HEATR1: variants seen among roughly 807,000 people sequenced by gnomAD.
The protein encoded by HEATR1 is HEAT repeat containing 1, also known as HEAT repeat-containing protein 1.
Under a neutral mutation model 248.2 loss-of-function variants are expected in HEATR1, and 77 were observed. The ratio of observed to expected loss-of-function variants is 0.31; its 90% CI spans 0.26 to 0.37. The LOEUF is 0.37. Ranked by LOEUF, HEATR1 falls within the 10% of genes least tolerant of loss-of-function variation. HEATR1 has a pLI of 1.00. For synonymous variants in HEATR1, 897 were observed against 923.1 expected (o/e 0.97, Z 0.51); for missense variants, 2,420 against 2,504.9 (o/e 0.97, Z 0.72).
rs1274750485 is a variant in HEATR1 at position 236,558,632 on chromosome 1, C to T, written c.4912-103G>A. ...AGATTGTCTAAATGGAAATCAGACT[C>T]GGGGGTCCTGAGTCACACAGTCATG... On this transcript the variant is annotated intron_variant, in intron 35 of 44. Coordinates refer to ENST00000366582, the MANE Select transcript of HEATR1 (RefSeq NM_018072.6). The T allele has an allele frequency of 7.6e-6, 9 of 1,180,366 alleles. No homozygotes were observed. In the East Asian group the frequency reaches 1.2e-4, roughly 16 times the overall value. 73.1% of individuals were successfully genotyped at this position (1,180,366 alleles called of 1,614,324 possible).
chr1:236,564,129 A>C (rs999359630), intron 32 of HEATR1, among the ~76,000 whole-genome samples: 2 of 152,174 alleles, frequency 1.3e-5, no homozygotes, highest in Non-Finnish European at 2.9e-5. Flanking sequence ...AAAATAAAAT[A>C]AAATACAGGC....
At chr1:236,569,412 G>A (rs754075182) in intron 28 of HEATR1, among the ~76,000 whole-genome samples, 26 of 152,020 alleles carry the variant, frequency 1.7e-4, no homozygotes, top group Non-Finnish European at 3.1e-4. Flanking sequence ...TGAACTCCCA[G>A]GCTGGTCTTG....
chr1:236,552,162 C>T lies in HEATR1; in HGVS notation c.6238-55G>A, dbSNP rs532362089. The T allele has an allele frequency of 3.2e-5, 38 of 1,185,062 alleles. No homozygotes were observed. In the African/African-American group the frequency reaches 4.8e-4, roughly 15 times the overall value. The allele number at this position is 1,185,062 out of a possible 1,614,324, so 73.4% of individuals were successfully genotyped here. On this transcript the variant is annotated intron_variant, in intron 43 of 44. Transcript: ENST00000366582. ...AAAGTAGTGTTACTGTATTTATTATCTTAAGAGCTGTACTGACTTGAGACA... is the reference window on the plus strand; with the variant it reads ...AAAGTAGTGTTACTGTATTTATTATTTTAAGAGCTGTACTGACTTGAGACA...
chr1:236,582,877 A>G lies in HEATR1; in HGVS notation c.2426-5T>C, dbSNP rs748370873. The stretch of plus-strand genomic sequence containing the variant: ...CAGGATTCCACCATATATCACCTAC[A>G]AGGACATGGAAAGAGAAATGATGCT... On this transcript the variant is annotated splice_region_variant and splice_polypyrimidine_tract_variant and intron_variant, in intron 18 of 44. Coordinates refer to ENST00000366582, the MANE Select transcript of HEATR1 (RefSeq NM_018072.6). The G allele has an allele frequency of 3.1e-6, 5 of 1,613,572 alleles. No homozygotes were observed. In the Admixed American group the frequency reaches 8.3e-5, roughly 27 times the overall value.
At chr1:236,595,459 GA>G in intron 8 of HEATR1, 80 bp downstream of exon 8, 1 of 1,097,936 alleles carries the variant, frequency 9.1e-7, no homozygotes, top group South Asian at 2.0e-5. Flanking sequence ...TAAATATTTT[GA>G]AGCTGTTAAC....
Position 236,604,137 on chromosome 1 carries a change from C to A in HEATR1, c.-32-10G>T. 1 of 1,529,346 alleles carries A rather than the reference C, an allele frequency of 6.5e-7. No individual in the cohort carries two copies. Among genetic ancestry groups the A allele is most frequent in the Non-Finnish European group, 8.7e-7 (1 of 1,146,490 alleles). 94.7% of individuals were successfully genotyped at this position (1,529,346 alleles called of 1,614,324 possible). ...GTTTTAATGACACGGGCTAAAAAAA[C>A]GTAAGCACTTTGATAAGTTTCTACG... On this transcript the variant is annotated splice_polypyrimidine_tract_variant and intron_variant, in intron 1 of 44. Transcript: ENST00000366582.
In HEATR1 at chr1:236,559,765, G is replaced by A. The variant is rs377685769; in HGVS notation, c.4719C>T (p.Thr1573=). ...TAAGGAGCGCGCGCCAGAACTTCAC[G>A]GTGAGTTTGTCTGCGTTCCTTTCCA... ...QSMERNADKL[T]VKFWRALLSK... Residue 1573 remains threonine, a synonymous_variant, in exon 34 of 45, where the codon ACC becomes ACT. Coordinates refer to ENST00000366582, the MANE Select transcript of HEATR1 (RefSeq NM_018072.6). 32 of 1,613,896 alleles carry A rather than the reference G, an allele frequency of 2.0e-5. No homozygotes were observed. Among genetic ancestry groups the A allele is most frequent in the East Asian group, 4.5e-5 (2 of 44,888 alleles).
Position 236,571,381 on chromosome 1 carries a change from TA to T in HEATR1, c.3917del (p.Leu1306TyrfsTer32). The T allele has an allele frequency of 6.2e-7, 1 of 1,604,788 alleles. No homozygotes were observed. On this transcript the variant is annotated frameshift_variant, in exon 28 of 45. Coordinates refer to ENST00000366582, the MANE Select transcript of HEATR1 (RefSeq NM_018072.6). LOFTEE classifies it high-confidence loss of function. ...ATATTCCAGCAACAGTGCCCAAAAG[TA>T]AAAGGGCATGGTGATGGGTCTGCGG... Reference protein sequence around the residue: ...EMPQTHHHALLLLGTVAGIFP... With the variant: ...EMPQTHHHALXLLGTVAGIFP...
At chr1:236,552,761 A>G (rs1162343146) in intron 43 of HEATR1, 1 of 152,268 alleles carries the variant, frequency 6.6e-6, no homozygotes. Flanking sequence ...TTTTAATTAA[A>G]GAATATCTGG....
chr1:236,553,397 A>C (rs1351104804), intron 43 of HEATR1, among the ~76,000 whole-genome samples, 184 bp downstream of exon 43: 1 of 152,200 alleles, frequency 6.6e-6, no homozygotes, highest in Non-Finnish European at 1.5e-5. Context: ...TAAGTAAAAA[A>C]CAAAATTTTC....
rs1470129568 is a variant in HEATR1, at chr1:236,557,285, GACCTCGCTGGAGACC to G, written c.5250_5264del (p.Val1751_Val1755del). ...GAGCAGCCAAGGCACTGAGCAGGTA[GACCTCGCTGGAGACC>G]AGCTCGCTGGTGTTCTTCATTGTTG... On this transcript the variant is annotated inframe_deletion, in exon 37 of 45. Coordinates refer to ENST00000366582, the MANE Select transcript of HEATR1 (RefSeq NM_018072.6). The G allele has an allele frequency of 3.1e-6, 5 of 1,614,204 alleles. No individual in the cohort carries two copies. In the South Asian group the frequency reaches 5.5e-5, roughly 18 times the overall value.
rs1407754933 is a variant in HEATR1 at position 236,572,463 on chromosome 1, T to G, written c.3655A>C (p.Lys1219Gln). 2.5e-6 allele frequency: 4 copies of G among 1,614,016 alleles called. No individual in the cohort carries two copies. The highest frequency in any genetic ancestry group is 2.2e-5 in the East Asian group (1 of 44,882). The change falls in exon 26 of 45, where the codon AAG becomes CAG. Residue 1219 changes from lysine (K) to glutamine (Q), a missense_variant. Physicochemically the swap from Lys to Gln is moderately conservative, Grantham distance 53. Transcript: ENST00000366582. ...ACCAATATCTGAGGACTTCTGAGCT[T>G]CTTTTTGTGCTGCAGTAATTCCAGG... is the stretch of plus-strand genomic sequence containing the variant. ...LILELLQHKK[K>Q]LRSPQILVPT...
intron 18 of HEATR1, 43 bp from the exon 19 acceptor site, chr1:236,582,915 A>T: frequency 1.9e-6 from 3 of 1,609,696 alleles, no homozygotes; most frequent in Non-Finnish European, 2.6e-6. Context: ...ATCCTACATG[A>T]ACATGCTGGG....
intron 29 of HEATR1, among the ~76,000 whole-genome samples, chr1:236,567,566 G>A (rs935997120): frequency 5.9e-5 from 9 of 152,062 alleles, no homozygotes; most frequent in East Asian, 3.9e-4. Flanking sequence ...AAAATTAGCC[G>A]GGCGTGGTGG....
chr1:236,601,260 T>G (rs1309984160), intron 3 of HEATR1, among the ~76,000 whole-genome samples: 1 of 152,022 alleles, frequency 6.6e-6, no homozygotes, highest in Non-Finnish European at 1.5e-5. Flanking sequence ...TTTTGTTTTT[T>G]TTTTTTGATA....
Position 236,592,758 on chromosome 1 carries a change from TA to T in HEATR1, c.1194-126del, listed in dbSNP as rs1572051948. 5 of 497,762 alleles carry T rather than the reference TA, an allele frequency of 1.0e-5. No individual in the cohort carries two copies. The East Asian group carries it at 1.7e-4, about 16-fold the overall frequency. The allele number at this position is 497,762 out of a possible 1,614,324, so 30.8% of individuals were successfully genotyped here. A position where few individuals can be genotyped will look rare whatever the true frequency, so the allele number is the denominator to read the frequency against. On this transcript the variant is annotated intron_variant, in intron 9 of 44. Coordinates refer to ENST00000366582, the MANE Select transcript of HEATR1 (RefSeq NM_018072.6). ...CATACTTATACAAGGTATAGTTTAA[TA>T]CTTATTTTACAGATAAAGAAACTAG...
At chr1:236,569,176 A>T (rs954916300) in intron 28 of HEATR1, 52 bp from the exon 29 acceptor site, 12 of 1,447,090 alleles carry the variant, frequency 8.3e-6, no homozygotes, top group Admixed American at 4.4e-5. Context: ...ATTTCTACTA[A>T]TTTTTTTTTC....
At chr1:236,593,610 C>T (rs988650852) in intron 9 of HEATR1, among the ~76,000 whole-genome samples, 31 of 135,616 alleles carry the variant, frequency 2.3e-4, no homozygotes, top group African/African-American at 7.3e-4. Flanking sequence ...AAAAAAAAGA[C>T]TGAATTATCT....
chr1:236,598,859 T>C (rs1664245208), intron 4 of HEATR1, among the ~76,000 whole-genome samples: 1 of 152,126 alleles, frequency 6.6e-6, no homozygotes, highest in Non-Finnish European at 1.5e-5. Context: ...ACATCTACTT[T>C]CCTCCACCAT....
Sources: allele counts gnomAD v4.1 joint callset (sites outside exome capture counted in the v4.1 genomes callset), GRCh38; gene constraint gnomAD v4.1.1; transcripts MANE v1.5; gene names NCBI Gene and HGNC (gene_info 2026-07-23, HGNC 2026-07-21).